RNF152: variants seen among roughly 807,000 people sequenced by gnomAD.
The protein encoded by RNF152 is E3 ubiquitin-protein ligase RNF152.
A neutral mutation model predicts 12.7 loss-of-function variants in RNF152; 11 were observed. The ratio of observed to expected loss-of-function variants is 0.86; its 90% CI spans 0.54 to 1.43. RNF152 has a LOEUF of 1.43. RNF152 is among the 40% of genes most tolerant of loss of function. The probability of loss-of-function intolerance (pLI) is 0.00; values close to 1 mark genes in which losing one functional copy is unlikely to be tolerated. For synonymous variants in RNF152, 113 were observed against 120.3 expected, an observed-to-expected ratio of 0.94 and a Z score of 0.40; for missense variants, 255 against 274.8, an observed-to-expected ratio of 0.93 and a Z score of 0.51.
At chr18:61,894,195 G>GCGGCGA (rs1304771390), upstream of RNF152, 1 of 151,572 alleles carries the variant, frequency 6.6e-6, no homozygotes, top group Non-Finnish European at 1.5e-5. This position sits in a 1 kb window ranked among gnomAD's most constrained non-coding sequence, Gnocchi z 4.9. Context: ...GGCGGCGGCG[G>GCGGCGA]CGGCGACAGC....
intron 1 of RNF152, among the ~76,000 whole-genome samples, chr18:61,849,534 G>A (rs1034868924): frequency 7.2e-5 from 11 of 152,204 alleles, no homozygotes; most frequent in African/African-American, 1.4e-4. Flanking sequence ...TGGCCACTGA[G>A]CTAATGCCAA....
At chr18:61,817,683 G>A (rs1909177748) in intron 1 of RNF152, among the ~76,000 whole-genome samples, 1 of 150,410 alleles carries the variant, frequency 6.6e-6, no homozygotes, top group South Asian at 2.1e-4. Flanking sequence ...TTCACTAATT[G>A]AAATCAAATA....
intron 1 of RNF152, among the ~76,000 whole-genome samples, chr18:61,891,878 G>T (rs1163666304): frequency 2.6e-5 from 4 of 152,194 alleles, no homozygotes; most frequent in African/African-American, 9.7e-5. Flanking sequence ...GGAGCCTTTG[G>T]CCCTCAGCAA....
chr18:61,851,640 A>C (rs1350333061), intron 1 of RNF152, among the ~76,000 whole-genome samples: 1 of 152,224 alleles, frequency 6.6e-6, no homozygotes, highest in Non-Finnish European at 1.5e-5. Flanking sequence ...AAACTGAGAC[A>C]ATATAATCCA....
intron 1 of RNF152, among the ~76,000 whole-genome samples, chr18:61,843,008 T>C (rs894304798): frequency 1.3e-5 from 2 of 152,172 alleles, no homozygotes; most frequent in Non-Finnish European, 2.9e-5. Context: ...TCTGGTAACC[T>C]CTCCATTCAC....
In RNF152 at chr18:61,816,027, G is replaced by A; in HGVS notation, c.437C>T (p.Ala146Val). 1.2e-6 allele frequency: 2 copies of A among 1,614,188 alleles called. No individual in the cohort carries two copies. Among genetic ancestry groups the A allele is most frequent in the Non-Finnish European group, 1.7e-6 (2 of 1,180,026 alleles). ...CTCCTCCTCCACCGCCTCCTGGGGA[G>A]CCCCACCTTGCAGAGGCTGCTGTTC... ...PAEQQPLQGGAPQEAVEEEQD... is the reference protein window; with the variant it reads ...PAEQQPLQGGVPQEAVEEEQD... Residue 146 changes from alanine (A) to valine (V), a missense_variant, in exon 2 of 2, where the codon GCT becomes GTT. Physicochemically the swap from Ala to Val is moderately conservative, Grantham distance 64 (BLOSUM62 0). Coordinates refer to ENST00000312828, the MANE Select transcript of RNF152 (RefSeq NM_173557.3).
chr18:61,829,597 G>GGAGAGAGAGAGAGA (rs111850940), intron 1 of RNF152, among the ~76,000 whole-genome samples: 1 of 142,082 alleles, frequency 7.0e-6, no homozygotes, highest in Non-Finnish European at 1.5e-5. Context: ...AGAGAGATAA[G>GGAGAGAGAGAGAGA]GAGAGAGAGA....
At chr18:61,854,095 AT>A (rs1911108792) in intron 1 of RNF152, among the ~76,000 whole-genome samples, 1 of 152,148 alleles carries the variant, frequency 6.6e-6, no homozygotes. Flanking sequence ...GCCACTGCTT[AT>A]TGACTCCCCG....
chr18:61,841,781 C>T (rs753493062), intron 1 of RNF152, among the ~76,000 whole-genome samples: 4 of 152,224 alleles, frequency 2.6e-5, no homozygotes, highest in Admixed American at 6.5e-5. Flanking sequence ...ATCTCCAACA[C>T]GGCAGTAAAT....
In RNF152 at chr18:61,863,208, G is replaced by T. The variant is rs538577714; in HGVS notation, c.-136+29587C>A. ...CCCAGCATTTGGAAGGCCGAGGCAG[G>T]TGGATCAGCAGGTCAGGAGATCAAG... is the stretch of plus-strand genomic sequence containing the variant. On this transcript the variant is annotated intron_variant, in intron 1 of 1. Coordinates refer to ENST00000312828, the MANE Select transcript of RNF152 (RefSeq NM_173557.3). Among the ~76,000 whole-genome samples the T allele has an allele frequency of 2.2e-4, 33 of 152,248 alleles. No individual in the cohort carries two copies. The South Asian group carries it at 6.8e-3, about 32-fold the overall frequency.
intron 1 of RNF152, among the ~76,000 whole-genome samples, chr18:61,817,913 C>T (rs1048518681): frequency 6.6e-6 from 1 of 152,040 alleles, no homozygotes. Context: ...CTGGATGGAG[C>T]CATGATGACT....
intron 1 of RNF152, among the ~76,000 whole-genome samples, chr18:61,859,987 A>G (rs1911392341): frequency 6.6e-6 from 1 of 152,218 alleles, no homozygotes. Context: ...AGATGAGGTT[A>G]TATTGGAGCA....
intron 1 of RNF152, among the ~76,000 whole-genome samples, chr18:61,857,382 T>C (rs1318880707): frequency 1.3e-5 from 2 of 152,192 alleles, no homozygotes; most frequent in Non-Finnish European, 2.9e-5. Flanking sequence ...ACAATTTTTA[T>C]ACTAAAAGCT....
intron 1 of RNF152, among the ~76,000 whole-genome samples, chr18:61,825,587 G>A (rs1026068752): frequency 2.6e-5 from 4 of 152,132 alleles, no homozygotes; most frequent in East Asian, 1.9e-4. Context: ...ATATTAAGAT[G>A]GTAACTTAAG....
At chr18:61,841,264 G>A (rs1466749433) in intron 1 of RNF152, among the ~76,000 whole-genome samples, 4 of 152,176 alleles carry the variant, frequency 2.6e-5, no homozygotes, top group Non-Finnish European at 2.9e-5. Flanking sequence ...ACATTAGAAA[G>A]CTTTCACTTT....
intron 1 of RNF152, among the ~76,000 whole-genome samples, chr18:61,870,192 C>T (rs1393394393): frequency 2.6e-5 from 4 of 152,124 alleles, no homozygotes; most frequent in East Asian, 1.9e-4. Context: ...GAAGCTGTGT[C>T]GGGATGGGGG....
intron 1 of RNF152, among the ~76,000 whole-genome samples, chr18:61,884,444 CA>C (rs79002370): frequency 0.054 from 7,429 of 137,574 alleles, 218 homozygotes; most frequent in Non-Finnish European, 0.069. Flanking sequence ...TTTGCCATTA[CA>C]AAAAAAAAAA....
intron 1 of RNF152, among the ~76,000 whole-genome samples, chr18:61,877,222 C>T (rs192082207): frequency 3.9e-5 from 6 of 152,258 alleles, no homozygotes; most frequent in South Asian, 4.1e-4. Context: ...AGGGGTTCTG[C>T]GTAGACACAA....
intron 1 of RNF152, among the ~76,000 whole-genome samples, chr18:61,818,303 G>T (rs1204662629): frequency 6.6e-6 from 1 of 152,022 alleles, no homozygotes; most frequent in Non-Finnish European, 1.5e-5. Context: ...AGCACCTCTA[G>T]TCCCGGCTAC....
Sources: allele counts gnomAD v4.1 joint callset (sites outside exome capture counted in the v4.1 genomes callset), GRCh38; gene constraint gnomAD v4.1.1; non-coding constraint Gnocchi (gnomAD v3.1); transcripts MANE v1.5; gene names NCBI Gene and HGNC (gene_info 2026-07-23, HGNC 2026-07-21).